The following PTPRN2 variants were observed in gnomAD, a reference collection of about 807,000 sequenced individuals.
PTPRN2 encodes the protein protein tyrosine phosphatase receptor type N2.
PTPRN2 carries 74 observed loss-of-function variants against 118.8 expected under a neutral mutation model. The ratio of observed to expected loss-of-function variants is 0.62; its 90% CI spans 0.52 to 0.76. The LOEUF is 0.76. PTPRN2 is among the 30% of genes least tolerant of loss of function. PTPRN2 has a pLI of 0.00. For synonymous variants in PTPRN2, 641 were observed against 608.0 expected, an observed-to-expected ratio of 1.05 and a Z score of -0.80; for missense variants, 1,481 against 1,394.4, an observed-to-expected ratio of 1.06 and a Z score of -0.99.
intron 14 of PTPRN2, among the ~76,000 whole-genome samples, chr7:157,625,374 T>C (rs1040540963): frequency 2.0e-4 from 30 of 152,210 alleles, no homozygotes; most frequent in Non-Finnish European, 7.3e-5. Context: ...CTGTGGTACA[T>C]ACATATGATG....
rs564367579 is a variant in PTPRN2 at position 158,020,858 on chromosome 7, C to G, written c.1723+60440G>C. ...GATCACTGCAATAACCTTCTTCTTC[C>G]AAGGCCCTGGTCCTGCCGGAAGTGT... On this transcript the variant is annotated intron_variant, in intron 11 of 22. Transcript: ENST00000389418. 3.9e-5 allele frequency among the ~76,000 whole-genome samples: 6 copies of G among 152,280 alleles called. No individual in the cohort carries two copies. In the East Asian group the frequency reaches 1.2e-3, roughly 29 times the overall value.
At chr7:158,094,904 G>A (rs1387051952) in intron 10 of PTPRN2, among the ~76,000 whole-genome samples, 2 of 152,102 alleles carry the variant, frequency 1.3e-5, no homozygotes, top group Non-Finnish European at 2.9e-5. Flanking sequence ...TTTGTTTCTT[G>A]TTTTACTTTT....
chr7:157,945,302 C>T (rs1800404239), intron 11 of PTPRN2, among the ~76,000 whole-genome samples: 1 of 152,154 alleles, frequency 6.6e-6, no homozygotes, highest in Non-Finnish European at 1.5e-5. Context: ...CTTCCAGACT[C>T]ACAGCCTCCG....
Position 157,800,870 on chromosome 7 carries a change from T to C in PTPRN2, c.1788+97803A>G, listed in dbSNP as rs542131663. 4.6e-5 allele frequency among the ~76,000 whole-genome samples: 7 copies of C among 151,802 alleles called. No individual in the cohort carries two copies. In the South Asian group the frequency reaches 1.5e-3, roughly 32 times the overall value. ...AGGAGGCTGAGGCAGGAGAATGGCG[T>C]GAACCCGGGAGGCGGAGCTTGCAGT... On this transcript the variant is annotated intron_variant, in intron 12 of 22. Coordinates refer to ENST00000389418, the MANE Select transcript of PTPRN2 (RefSeq NM_002847.5).
chr7:158,400,465 A>C (rs1812847640), intron 2 of PTPRN2, among the ~76,000 whole-genome samples: 2 of 152,152 alleles, frequency 1.3e-5, no homozygotes, highest in Admixed American at 6.5e-5. Context: ...CACAGCCATT[A>C]AGTCCAACGG....
intron 14 of PTPRN2, among the ~76,000 whole-genome samples, chr7:157,634,645 G>A (rs11765127): frequency 0.1 from 15,811 of 152,118 alleles, 1,112 homozygotes; most frequent in Non-Finnish European, 0.15. Context: ...CAGGTCAGAG[G>A]GGCCGTACGA....
intron 3 of PTPRN2, among the ~76,000 whole-genome samples, chr7:158,210,230 G>C (rs2150761267): frequency 6.9e-6 from 1 of 145,726 alleles, no homozygotes; most frequent in African/African-American, 2.6e-5. Flanking sequence ...CCGCCTCCCG[G>C]GTTCACGCCA....
chr7:158,043,180 A>G (rs1808595739), intron 11 of PTPRN2, among the ~76,000 whole-genome samples: 1 of 151,958 alleles, frequency 6.6e-6, no homozygotes, highest in Non-Finnish European at 1.5e-5. Flanking sequence ...ACCCCATCTC[A>G]TGAAGAAAAA....
At chr7:158,157,654 T>G (rs1317505841) in intron 6 of PTPRN2, among the ~76,000 whole-genome samples, 2 of 152,340 alleles carry the variant, frequency 1.3e-5, no homozygotes, top group Non-Finnish European at 2.9e-5. Context: ...CACCCCGCAC[T>G]GGGCGCATCC....
chr7:158,274,035 CAGG>C (rs1798753277), intron 3 of PTPRN2, among the ~76,000 whole-genome samples: 1 of 128,900 alleles, frequency 7.8e-6, no homozygotes, highest in Non-Finnish European at 1.6e-5. Context: ...GCCGCAGACA[CAGG>C]AGGAGACACA....
rs1796409032 is a variant in PTPRN2, at chr7:157,885,624, AG to A, written c.1788+13048del. 2.0e-5 allele frequency among the ~76,000 whole-genome samples: 3 copies of A among 152,314 alleles called. No homozygotes were observed. In the South Asian group the frequency reaches 6.2e-4, roughly 32 times the overall value. On this transcript the variant is annotated intron_variant, in intron 12 of 22. Coordinates refer to ENST00000389418, the MANE Select transcript of PTPRN2 (RefSeq NM_002847.5). ...CTGGACAATTCCAGGGTTGAAAATT[AG>A]GGTTTCCCACCTGTATCTCATGAAC...
chr7:158,273,930 G>A (rs1346450048), intron 3 of PTPRN2, among the ~76,000 whole-genome samples: 2 of 136,906 alleles, frequency 1.5e-5, no homozygotes, highest in African/African-American at 5.7e-5. Context: ...GCAGACACAG[G>A]GGGAGCCGCA....
chr7:158,365,991 GGGA>G (rs1809456013), intron 2 of PTPRN2, among the ~76,000 whole-genome samples: 1 of 147,592 alleles, frequency 6.8e-6, no homozygotes, highest in African/African-American at 2.5e-5. Context: ...CAGCATCCCT[GGGA>G]GAAGCTGCAG....
At chr7:157,914,001 G>GT (rs1378176744) in intron 11 of PTPRN2, among the ~76,000 whole-genome samples, 1 of 152,144 alleles carries the variant, frequency 6.6e-6, no homozygotes, top group Non-Finnish European at 1.5e-5. Context: ...GGCTATTGGA[G>GT]TTTTTCATTC....
intron 2 of PTPRN2, among the ~76,000 whole-genome samples, chr7:158,466,180 C>T (rs1819369413): frequency 6.6e-6 from 1 of 152,154 alleles, no homozygotes; most frequent in Admixed American, 6.5e-5. Flanking sequence ...TAGAGGCACC[C>T]TCTGGGCAAA....
intron 12 of PTPRN2, among the ~76,000 whole-genome samples, chr7:157,776,436 TCC>T (rs1803264326): frequency 7.5e-6 from 1 of 133,206 alleles, no homozygotes; most frequent in Admixed American, 7.5e-5. Context: ...CCTCTGTCTC[TCC>T]TCTTCCTCAC....
At chr7:157,811,332 T>TTATATATATTTATA (rs1554455382) in intron 12 of PTPRN2, among the ~76,000 whole-genome samples, 1 of 131,296 alleles carries the variant, frequency 7.6e-6, no homozygotes, top group African/African-American at 2.8e-5. Flanking sequence ...ATCTACTCTA[T>TTATATATATTTATA]TATATATATA....
chr7:158,365,390 C>A (rs1221020501), intron 2 of PTPRN2, among the ~76,000 whole-genome samples: 1 of 152,174 alleles, frequency 6.6e-6, no homozygotes, highest in African/African-American at 2.4e-5. Flanking sequence ...CTTCCTCACC[C>A]CTCCCTTCCC....
chr7:158,229,780 A>G (rs1829047739), intron 3 of PTPRN2, among the ~76,000 whole-genome samples: 1 of 152,064 alleles, frequency 6.6e-6, no homozygotes, highest in African/African-American at 2.4e-5. Flanking sequence ...AGAATGATTG[A>G]TGTTCAAGGG....
Sources: gnomAD v4.1 joint callset for allele counts (sites outside exome capture counted in the v4.1 genomes callset) on GRCh38, gnomAD v4.1.1 for gene constraint, MANE v1.5 for transcripts, NCBI Gene and HGNC (gene_info 2026-07-23, HGNC 2026-07-21) for gene names.